The following CACNB4 variants were observed in gnomAD, a reference collection of about 807,000 sequenced individuals.
CACNB4 encodes the protein calcium voltage-gated channel auxiliary subunit beta 4, also known as voltage-dependent L-type calcium channel subunit beta-4.
A neutral mutation model predicts 71.2 loss-of-function variants in CACNB4; 32 were observed. The ratio of observed to expected loss-of-function variants is 0.45; its 90% CI spans 0.34 to 0.60. CACNB4 has a LOEUF of 0.60. Ranked by LOEUF, CACNB4 falls within the 20% of genes least tolerant of loss-of-function variation. CACNB4 has a pLI of 0.01. For missense variants in CACNB4, 464 were observed against 647.9 expected, an observed-to-expected ratio of 0.72 and a Z score of 3.08; for synonymous variants, 231 against 236.9, an observed-to-expected ratio of 0.97 and a Z score of 0.23.
chr2:151,836,249 T>C lies in CACNB4; in HGVS notation c.*2870A>G, dbSNP rs760405458. The C allele has an allele frequency of 5.3e-5, 8 of 151,856 alleles. No homozygotes were observed. The highest frequency in any genetic ancestry group is 1.9e-4 in the African/African-American group (8 of 41,436). 9.4% of individuals were successfully genotyped at this position (151,856 alleles called of 1,614,324 possible). A position where few individuals can be genotyped will look rare whatever the true frequency, so the allele number is the denominator to read the frequency against. On this transcript the variant is annotated 3_prime_UTR_variant, in exon 14 of 14. Transcript: ENST00000539935. ...GAATTCTAGTATGTGGCTTATACTG[T>C]AAGTTAAAACAGCCTCAAAACAGTA...
intron 3 of CACNB4, 65 bp from the exon 4 acceptor site, chr2:151,880,987 A>G (rs1489849801): frequency 1.4e-6 from 2 of 1,468,056 alleles, no homozygotes; most frequent in East Asian, 4.7e-5. Context: ...TTCATATTGA[A>G]ACTCTGATAG....
At chr2:152,086,075 G>A (rs760504054) in intron 2 of CACNB4, among the ~76,000 whole-genome samples, 56 of 152,138 alleles carry the variant, frequency 3.7e-4, no homozygotes, top group Admixed American at 1.3e-3. Flanking sequence ...CTTTGATTGG[G>A]TTGGTTTACA....
At chr2:151,959,650 A>G (rs1044460905) in intron 2 of CACNB4, among the ~76,000 whole-genome samples, 9 of 152,254 alleles carry the variant, frequency 5.9e-5, no homozygotes, top group African/African-American at 1.4e-4. Context: ...TCCTTTTTCT[A>G]TCTTATTTGT....
chr2:152,084,999 A>G (rs947058447), intron 2 of CACNB4, among the ~76,000 whole-genome samples: 3 of 152,190 alleles, frequency 2.0e-5, no homozygotes, highest in Admixed American at 2.0e-4. Context: ...GTGAACAGCC[A>G]AAACACAGTA....
intron 2 of CACNB4, among the ~76,000 whole-genome samples, chr2:152,024,944 T>C (rs1194122963): frequency 6.6e-6 from 1 of 152,134 alleles, no homozygotes; most frequent in African/African-American, 2.4e-5. Flanking sequence ...TAATCCCAGG[T>C]ACTCGGGAGG....
rs1488952671 is a variant in CACNB4 at position 152,065,290 on chromosome 2, A to AAG, written c.147+33039_147+33040insCT. On this transcript the variant is annotated intron_variant, in intron 2 of 13. Transcript: ENST00000539935. ...TCCCAACTACTCGGGAGGCTGAGGC[A>AAG]GGAGAATCACTTGAACCCGGAGCCA... 4.4e-3 allele frequency among the ~76,000 whole-genome samples: 669 copies of AAG among 152,136 alleles called. 5 individuals are homozygous for AAG. The highest frequency in any genetic ancestry group is 5.8e-3 in the Non-Finnish European group (392 of 67,990).
At chr2:152,080,475 CT>C (rs1445948474) in intron 2 of CACNB4, among the ~76,000 whole-genome samples, 1 of 152,120 alleles carries the variant, frequency 6.6e-6, no homozygotes, top group Non-Finnish European at 1.5e-5. Flanking sequence ...AAGTTTCTCT[CT>C]AGTTTCAGGG....
chr2:151,984,345 A>G (rs1042426944), intron 2 of CACNB4, among the ~76,000 whole-genome samples: 1 of 152,180 alleles, frequency 6.6e-6, no homozygotes, highest in African/African-American at 2.4e-5. Context: ...GATTTACCTA[A>G]CTTAATGAGA....
intron 10 of CACNB4, chr2:151,858,871 A>T (rs2099840939): frequency 1.3e-5 from 2 of 152,228 alleles, no homozygotes; most frequent in Admixed American, 1.3e-4. Context: ...GTCTTCTCAC[A>T]CATCTCTTAA....
At chr2:151,978,125 CA>C (rs750745508) in intron 2 of CACNB4, among the ~76,000 whole-genome samples, 10 of 152,000 alleles carry the variant, frequency 6.6e-5, no homozygotes, top group Non-Finnish European at 1.5e-4. Context: ...AACAAACAAA[CA>C]AAAAAACTAC....
At chr2:151,908,524 A>T (rs2099855358) in intron 2 of CACNB4, among the ~76,000 whole-genome samples, 5 of 152,210 alleles carry the variant, frequency 3.3e-5, no homozygotes, top group Admixed American at 3.3e-4. Flanking sequence ...TGCAACTCAA[A>T]GAAAAGTGAA....
At chr2:151,940,829 T>C (rs1482394472) in intron 2 of CACNB4, among the ~76,000 whole-genome samples, 1 of 152,226 alleles carries the variant, frequency 6.6e-6, no homozygotes, top group Non-Finnish European at 1.5e-5. Flanking sequence ...TCACCAGGGC[T>C]ATAGTGCTCT....
At position 151,837,552 on chromosome 2, in the gene CACNB4, G is replaced by T. The variant is rs1419460687; in HGVS notation, c.*1567C>A. The T allele has an allele frequency of 6.6e-6, 1 of 151,854 alleles. No individual in the cohort carries two copies. The highest frequency in any genetic ancestry group is 1.5e-5 in the Non-Finnish European group (1 of 67,908). The allele number at this position is 151,854 out of a possible 1,614,324, so 9.4% of individuals were successfully genotyped here. A position where few individuals can be genotyped will look rare whatever the true frequency, so the allele number is the denominator to read the frequency against. ...CTTCATGACATGTACTAGCAGAAAA[G>T]AACTTTTATGGCTGGACTTATTGGG... On this transcript the variant is annotated 3_prime_UTR_variant, in exon 14 of 14. Transcript: ENST00000539935.
At chr2:152,061,775 G>C (rs564546037) in intron 2 of CACNB4, among the ~76,000 whole-genome samples, 4 of 152,172 alleles carry the variant, frequency 2.6e-5, no homozygotes, top group Non-Finnish European at 5.9e-5. Context: ...ACTCTGGGAG[G>C]CCGAGGCAGG....
chr2:152,063,094 T>A (rs1686109463), intron 2 of CACNB4, among the ~76,000 whole-genome samples: 1 of 152,068 alleles, frequency 6.6e-6, no homozygotes. Context: ...TTAGATTCCA[T>A]TCCAGACATA....
At chr2:152,065,308 C>T (rs747929973) in intron 2 of CACNB4, among the ~76,000 whole-genome samples, 8 of 151,538 alleles carry the variant, frequency 5.3e-5, no homozygotes, top group Non-Finnish European at 1.0e-4. Context: ...CACTTGAACC[C>T]GGAGCCAGAG....
chr2:151,937,974 A>C (rs1371285607), intron 2 of CACNB4, among the ~76,000 whole-genome samples: 3 of 152,124 alleles, frequency 2.0e-5, no homozygotes, highest in Non-Finnish European at 4.4e-5. Context: ...CTGAAATTTT[A>C]TTCTTATATT....
rs183894631 is a variant in CACNB4 at position 152,018,969 on chromosome 2, G to C, written c.147+79361C>G. On this transcript the variant is annotated intron_variant, in intron 2 of 13. Coordinates refer to ENST00000539935, the MANE Select transcript of CACNB4 (RefSeq NM_000726.5). ...AGAGCTGCTAAGAAATTTATTGATG[G>C]GGGTGGGTGAAGTCAAGGGGGAAAG... Among the ~76,000 whole-genome samples, 100 of 152,188 alleles carry C rather than the reference G, an allele frequency of 6.6e-4. 2 individuals carry two copies. In the East Asian group the frequency reaches 0.017, roughly 26 times the overall value.
rs35495696 is a variant in CACNB4, at chr2:151,856,219, TTA to T, written c.869-846_869-845del. Among the ~76,000 whole-genome samples the T allele has an allele frequency of 4.7e-5, 7 of 149,652 alleles. No homozygotes were observed. In the East Asian group the frequency reaches 9.7e-4, roughly 21 times the overall value. ...TGGCTTTCTGAAATATAAAAAAGTTTTATATATATATATATTTTATAAATTAC... is the reference window on the plus strand; with the variant it reads ...TGGCTTTCTGAAATATAAAAAAGTTTTATATATATATATTTTATAAATTAC... On this transcript the variant is annotated intron_variant, in intron 10 of 13. Transcript: ENST00000539935.
Sources: gnomAD v4.1 joint callset for allele counts (sites outside exome capture counted in the v4.1 genomes callset) on GRCh38, gnomAD v4.1.1 for gene constraint, MANE v1.5 for transcripts, NCBI Gene and HGNC (gene_info 2026-07-23, HGNC 2026-07-21) for gene names.